CSNK1G1: variants seen among roughly 807,000 people sequenced by gnomAD.
CSNK1G1 encodes casein kinase I isoform gamma-1.
A neutral mutation model predicts 59.6 loss-of-function variants in CSNK1G1; 22 were observed. That is an observed-to-expected ratio of 0.37 (90% CI 0.26 to 0.53). The LOEUF is 0.53. Among genes scored for constraint, CSNK1G1 ranks in the 20% least tolerant of loss-of-function variants. The probability of loss-of-function intolerance (pLI) is 0.89; values close to 1 mark genes in which losing one functional copy is unlikely to be tolerated. For synonymous variants in CSNK1G1, 179 were observed against 177.1 expected, an observed-to-expected ratio of 1.01 and a Z score of -0.08; for missense variants, 384 against 519.5, an observed-to-expected ratio of 0.74 and a Z score of 2.54.
intron 4 of CSNK1G1, among the ~76,000 whole-genome samples, chr15:64,220,525 C>T (rs1198000727): frequency 6.7e-6 from 1 of 148,976 alleles, no homozygotes; most frequent in South Asian, 2.1e-4. Flanking sequence ...TATTCAGAGT[C>T]TTGCTCTGCT....
intron 4 of CSNK1G1, among the ~76,000 whole-genome samples, chr15:64,231,374 C>T (rs1227248983): frequency 1.4e-5 from 2 of 146,764 alleles, no homozygotes; most frequent in East Asian, 2.0e-4. Context: ...TTTATATAAA[C>T]ATATATATAT....
chr15:64,171,904 G>A lies in CSNK1G1; in HGVS notation c.*27C>T. 6.2e-7 allele frequency: 1 copy of A among 1,603,358 alleles called. No homozygotes were observed. Among genetic ancestry groups the A allele is most frequent in the Non-Finnish European group, 8.5e-7 (1 of 1,170,128 alleles). On this transcript the variant is annotated 3_prime_UTR_variant, in exon 12 of 12. Transcript: ENST00000303052. The surrounding 1 kb of genome is among the most constrained non-coding windows in gnomAD (Gnocchi z 4.8). Reference sequence around the variant, plus strand: ...GGTACAATTGAGTCAGAGTCCCCAGGGCCTGAGGACTCCTGGGAGGCACTG... The same window carrying A: ...GGTACAATTGAGTCAGAGTCCCCAGAGCCTGAGGACTCCTGGGAGGCACTG...
chr15:64,205,522 G>A (rs2082165324), intron 7 of CSNK1G1, among the ~76,000 whole-genome samples: 1 of 152,224 alleles, frequency 6.6e-6, no homozygotes. Context: ...AGCAGCCCAA[G>A]TCTGGTATGC....
chr15:64,234,853 C>G (rs1230518296), intron 4 of CSNK1G1, among the ~76,000 whole-genome samples: 3 of 151,840 alleles, frequency 2.0e-5, no homozygotes, highest in Non-Finnish European at 4.4e-5. Flanking sequence ...AAAAGCTGAC[C>G]CAAGATGGGT....
intron 4 of CSNK1G1, among the ~76,000 whole-genome samples, chr15:64,223,473 TC>T: frequency 6.6e-6 from 1 of 152,298 alleles, no homozygotes; most frequent in Non-Finnish European, 1.5e-5. Flanking sequence ...TGTGCTGGAT[TC>T]TTTGATCAAT....
At chr15:64,180,325 GC>G (rs766135478) in intron 11 of CSNK1G1, 22 bp downstream of exon 11, 3 of 1,563,236 alleles carry the variant, frequency 1.9e-6, no homozygotes, top group South Asian at 2.2e-5. Context: ...TGACTTAAGA[GC>G]CCCCTTGAAA....
chr15:64,322,943 T>G (rs1818835933), intron 1 of CSNK1G1, among the ~76,000 whole-genome samples: 6 of 151,974 alleles, frequency 3.9e-5, no homozygotes, highest in South Asian at 2.1e-4. Flanking sequence ...TTGGGTTGTT[T>G]TTTTTTTTCC....
rs1355576173 is a variant in CSNK1G1 at position 64,294,675 on chromosome 15, C to T, written c.181+5644G>A. On this transcript the variant is annotated intron_variant, in intron 2 of 11. Coordinates refer to ENST00000303052, the MANE Select transcript of CSNK1G1 (RefSeq NM_022048.5). ...CCTGTAATCCCAGCACTTTGGGAGGCCAAGGCAGGCAGATCACCTGAGGTC... is the reference window on the plus strand; with the variant it reads ...CCTGTAATCCCAGCACTTTGGGAGGTCAAGGCAGGCAGATCACCTGAGGTC... Among the ~76,000 whole-genome samples, 3 of 151,728 alleles carry T rather than the reference C, an allele frequency of 2.0e-5. No individual in the cohort carries two copies. In the East Asian group the frequency reaches 5.8e-4, roughly 29 times the overall value.
chr15:64,190,414 A>C (rs1254373582), intron 10 of CSNK1G1, among the ~76,000 whole-genome samples: 1 of 152,054 alleles, frequency 6.6e-6, no homozygotes, highest in African/African-American at 2.4e-5. Flanking sequence ...TCATAAACTT[A>C]TTTTTATTTT....
intron 2 of CSNK1G1, among the ~76,000 whole-genome samples, chr15:64,285,235 G>A (rs1894345588): frequency 6.6e-6 from 1 of 151,988 alleles, no homozygotes; most frequent in Non-Finnish European, 1.5e-5. Flanking sequence ...TTATAATCAT[G>A]AAAACCACAT....
chr15:64,267,982 T>A (rs993448193), intron 2 of CSNK1G1, among the ~76,000 whole-genome samples: 48 of 152,168 alleles, frequency 3.2e-4, no homozygotes, highest in African/African-American at 1.1e-3. Context: ...TTTTATTTTT[T>A]AAATAAAATT....
chr15:64,347,649 CAGAAA>C (rs1292746036), intron 1 of CSNK1G1, among the ~76,000 whole-genome samples: 4 of 145,458 alleles, frequency 2.7e-5, no homozygotes, highest in African/African-American at 7.6e-5. Flanking sequence ...GGAAAATGTA[CAGAAA>C]AGAAAAGAGA....
chr15:64,333,792 C>G (rs766794164), intron 1 of CSNK1G1, among the ~76,000 whole-genome samples: 11 of 152,078 alleles, frequency 7.2e-5, no homozygotes, highest in Non-Finnish European at 1.2e-4. Context: ...AAAGAAACAA[C>G]AGTTTAAAAA....
At chr15:64,341,833 A>AATT (rs1897696742) in intron 1 of CSNK1G1, among the ~76,000 whole-genome samples, 1 of 152,186 alleles carries the variant, frequency 6.6e-6, no homozygotes, top group Non-Finnish European at 1.5e-5. Context: ...ATCTACTCTA[A>AATT]AATCTAAAAG....
chr15:64,284,759 T>C (rs1467312097), intron 2 of CSNK1G1, among the ~76,000 whole-genome samples: 1 of 152,076 alleles, frequency 6.6e-6, no homozygotes, highest in Non-Finnish European at 1.5e-5. Context: ...TTTTAATTTT[T>C]ATTATTATTT....
At chr15:64,181,823 C>G (rs1298925942) in intron 10 of CSNK1G1, 4 of 164,108 alleles carry the variant, frequency 2.4e-5, no homozygotes, top group Non-Finnish European at 4.0e-5. Context: ...AAGTGGTCAT[C>G]TTACTGTTAT....
intron 2 of CSNK1G1, among the ~76,000 whole-genome samples, chr15:64,288,596 G>A (rs964544542): frequency 6.6e-6 from 1 of 150,774 alleles, no homozygotes; most frequent in East Asian, 1.9e-4. Context: ...GTGTGCATGT[G>A]TATATATATA....
intron 1 of CSNK1G1, among the ~76,000 whole-genome samples, chr15:64,349,978 A>G (rs139394967): frequency 1.1e-3 from 168 of 152,184 alleles, no homozygotes; most frequent in Admixed American, 3.4e-3. Context: ...AACTATGTGC[A>G]CACATTTAGA....
At chr15:64,311,829 G>A (rs1896014347) in intron 1 of CSNK1G1, among the ~76,000 whole-genome samples, 1 of 152,054 alleles carries the variant, frequency 6.6e-6, no homozygotes, top group African/African-American at 2.4e-5. Flanking sequence ...GCAGTGAGCT[G>A]ACATCACACC....
Sources: allele counts gnomAD v4.1 joint callset (sites outside exome capture counted in the v4.1 genomes callset), GRCh38; gene constraint gnomAD v4.1.1; non-coding constraint Gnocchi (gnomAD v3.1); transcripts MANE v1.5; gene names NCBI Gene and HGNC (gene_info 2026-07-23, HGNC 2026-07-21).